Variants in BARX2 observed in about 807,000 individuals in gnomAD.
The protein encoded by BARX2 is homeobox protein BarH-like 2.
A neutral mutation model predicts 25.5 loss-of-function variants in BARX2; 11 were observed. The ratio of observed to expected loss-of-function variants is 0.43; its 90% CI spans 0.27 to 0.71. The LOEUF is 0.71. Among genes scored for constraint, BARX2 ranks in the 30% least tolerant of loss-of-function variants. The probability of loss-of-function intolerance (pLI) is 0.19; values close to 1 mark genes in which losing one functional copy is unlikely to be tolerated. For missense variants in BARX2, 360 were observed against 359.9 expected (o/e 1.00, Z 0.00); for synonymous variants, 137 against 149.5 (o/e 0.92, Z 0.61).
At chr11:129,389,043 C>T in intron 1 of BARX2, among the ~76,000 whole-genome samples, 1 of 150,882 alleles carries the variant, frequency 6.6e-6, no homozygotes, top group East Asian at 1.9e-4. Flanking sequence ...ATTTTATTGG[C>T]TGTGTGACCT....
intron 3 of BARX2, among the ~76,000 whole-genome samples, chr11:129,450,141 A>T (rs1047824278): frequency 3.9e-5 from 6 of 152,206 alleles, no homozygotes; most frequent in African/African-American, 1.4e-4. Context: ...GACAAAGATG[A>T]TAAGTGGCAG....
At chr11:129,409,619 A>G (rs1462285399) in intron 1 of BARX2, among the ~76,000 whole-genome samples, 1 of 152,246 alleles carries the variant, frequency 6.6e-6, no homozygotes, top group Non-Finnish European at 1.5e-5. Context: ...GTTCTGCCTT[A>G]GAGAAACTTT....
chr11:129,394,428 G>T (rs570844717), intron 1 of BARX2, among the ~76,000 whole-genome samples: 4 of 152,188 alleles, frequency 2.6e-5, no homozygotes, highest in Non-Finnish European at 1.5e-5. Context: ...AATGAAAATT[G>T]TAATATCTGC....
chr11:129,445,629 T>C (rs967997087), intron 3 of BARX2, among the ~76,000 whole-genome samples: 2 of 152,222 alleles, frequency 1.3e-5, no homozygotes, highest in African/African-American at 4.8e-5. Flanking sequence ...TTTGAGATAA[T>C]TCATTGAGCA....
rs778035008 is a variant in BARX2 at position 129,376,043 on chromosome 11, G to C, written c.8G>C (p.Cys3Ser). 6.3e-7 allele frequency: 1 copy of C among 1,586,204 alleles called. No individual in the cohort carries two copies. Among genetic ancestry groups the C allele is most frequent in the South Asian group, 1.1e-5 (1 of 88,786 alleles). Residue 3 changes from cysteine to serine, a missense_variant, in exon 1 of 4, where the codon TGC becomes TCC. By Grantham distance (112) the Cys-to-Ser change is moderately radical. Transcript: ENST00000281437. This position sits in a 1 kb window ranked among gnomAD's most constrained non-coding sequence, Gnocchi z 4.2. MH[C>S]HAELRLSSPG... Reference sequence around the variant, plus strand: ...CGCTCGCGCCGGCTCACCATGCACTGCCACGCCGAGCTGAGGCTGAGCTCG... The same window carrying C: ...CGCTCGCGCCGGCTCACCATGCACTCCCACGCCGAGCTGAGGCTGAGCTCG...
chr11:129,375,901 C>T lies in BARX2; in HGVS notation c.-135C>T. On this transcript the variant is annotated 5_prime_UTR_variant, in exon 1 of 4. Transcript: ENST00000281437. This position sits in a 1 kb window ranked among gnomAD's most constrained non-coding sequence, Gnocchi z 4.0. ...CGCCCGCTACCCGCTCTCCTCCGCG[C>T]GCCACCCGAGCCCCGCCGCCTCCCC... 6.0e-6 allele frequency: 2 copies of T among 335,658 alleles called. No homozygotes were observed. Among genetic ancestry groups the T allele is most frequent in the Non-Finnish European group, 8.5e-6 (2 of 236,212 alleles). The allele number at this position is 335,658 out of a possible 1,614,324, so 20.8% of individuals were successfully genotyped here. A position where few individuals can be genotyped will look rare whatever the true frequency, so the allele number is the denominator to read the frequency against.
Position 129,436,656 on chromosome 11 carries a change from T to G in BARX2, c.188-95T>G. The G allele has an allele frequency of 5.1e-6, 7 of 1,370,756 alleles. No homozygotes were observed. In the South Asian group the frequency reaches 1.0e-4, roughly 20 times the overall value. The allele number at this position is 1,370,756 out of a possible 1,614,324, so 84.9% of individuals were successfully genotyped here. A position where few individuals can be genotyped will look rare whatever the true frequency, so the allele number is the denominator to read the frequency against. ...ACCTCCTTAAGAGCAGGGCCCTCCCTGTCAGACAGACCTCAGCCAGCGGCC... is the reference window on the plus strand; with the variant it reads ...ACCTCCTTAAGAGCAGGGCCCTCCCGGTCAGACAGACCTCAGCCAGCGGCC... On this transcript the variant is annotated intron_variant, in intron 1 of 3. Transcript: ENST00000281437. The surrounding 1 kb of genome is among the most constrained non-coding windows in gnomAD (Gnocchi z 4.5).
chr11:129,438,321 CAAAAAAAAAA>C (rs397848249), intron 2 of BARX2: 2 of 84,278 alleles, frequency 2.4e-5, no homozygotes, highest in East Asian at 7.2e-4. Context: ...GACTCAGTCT[CAAAAAAAAAA>C]AAAAAAAAAA....
intron 1 of BARX2, among the ~76,000 whole-genome samples, chr11:129,401,331 A>G (rs1217144707): frequency 6.6e-6 from 1 of 152,210 alleles, no homozygotes; most frequent in Non-Finnish European, 1.5e-5. Flanking sequence ...CTTAAAGCAA[A>G]GTATAGACAG....
chr11:129,406,612 C>T (rs114667478), intron 1 of BARX2, among the ~76,000 whole-genome samples: 1,990 of 152,282 alleles, frequency 0.013, 44 homozygotes, highest in African/African-American at 0.042. Flanking sequence ...AGGGAGGACA[C>T]TGCAGGCACC....
intron 2 of BARX2, among the ~76,000 whole-genome samples, chr11:129,440,056 C>T (rs1040538912): frequency 1.3e-5 from 2 of 152,116 alleles, no homozygotes; most frequent in Admixed American, 6.5e-5. Flanking sequence ...GCCATCTTCA[C>T]CTGCCCTCTC....
At chr11:129,420,082 G>A (rs995242258) in intron 1 of BARX2, among the ~76,000 whole-genome samples, 4 of 152,022 alleles carry the variant, frequency 2.6e-5, no homozygotes, top group Admixed American at 6.6e-5. Context: ...CACTGCACCC[G>A]GCCTATCAAT....
chr11:129,415,304 C>T (rs944167647), intron 1 of BARX2, among the ~76,000 whole-genome samples: 7 of 152,276 alleles, frequency 4.6e-5, no homozygotes, highest in Middle Eastern at 3.4e-3. Context: ...TGTATGGGGT[C>T]AGCCTGGCCA....
chr11:129,446,482 C>T (rs982822721), intron 3 of BARX2, among the ~76,000 whole-genome samples: 1 of 152,128 alleles, frequency 6.6e-6, no homozygotes, highest in Non-Finnish European at 1.5e-5. Context: ...ATTAACTGAG[C>T]TAATCTCTGT....
intron 1 of BARX2, among the ~76,000 whole-genome samples, chr11:129,381,003 C>G (rs1861557542): frequency 6.6e-6 from 1 of 152,088 alleles, no homozygotes; most frequent in African/African-American, 2.4e-5. Context: ...TCTCGAACTC[C>G]TAATCTCGTG....
At chr11:129,391,054 A>G (rs1861660810) in intron 1 of BARX2, among the ~76,000 whole-genome samples, 1 of 152,108 alleles carries the variant, frequency 6.6e-6, no homozygotes, top group Non-Finnish European at 1.5e-5. Context: ...CCTCCCCAGT[A>G]TGTTGGGGAG....
chr11:129,438,436 T>C (rs1862218780), intron 2 of BARX2: 1 of 152,194 alleles, frequency 6.6e-6, no homozygotes, highest in Admixed American at 6.5e-5. Flanking sequence ...GGGAGATTTC[T>C]CAGGTCCTTC....
At position 129,390,923 on chromosome 11, in the gene BARX2, G is replaced by A. The variant is rs753963645; in HGVS notation, c.187+14701G>A. ...AAAATTGTGTGTACTTGACGCACAGGCGGTGTGGAAGCAGGATTTAAAGTA... is the reference window on the plus strand; with the variant it reads ...AAAATTGTGTGTACTTGACGCACAGACGGTGTGGAAGCAGGATTTAAAGTA... On this transcript the variant is annotated intron_variant, in intron 1 of 3. Transcript: ENST00000281437. The surrounding 1 kb of genome is among the most constrained non-coding windows in gnomAD (Gnocchi z 4.3). 6.6e-6 allele frequency among the ~76,000 whole-genome samples: 1 copy of A among 152,224 alleles called. No homozygotes were observed. Among genetic ancestry groups the A allele is most frequent in the Non-Finnish European group, 1.5e-5 (1 of 68,048 alleles).
chr11:129,444,372 A>T (rs1862299694), intron 3 of BARX2, among the ~76,000 whole-genome samples: 1 of 152,218 alleles, frequency 6.6e-6, no homozygotes, highest in African/African-American at 2.4e-5. Flanking sequence ...CTGACCCTGA[A>T]ATGAAAGGGT....
Sources: allele counts gnomAD v4.1 joint callset (sites outside exome capture counted in the v4.1 genomes callset), GRCh38; gene constraint gnomAD v4.1.1; non-coding constraint Gnocchi (gnomAD v3.1); transcripts MANE v1.5; gene names NCBI Gene and HGNC (gene_info 2026-07-23, HGNC 2026-07-21).